Variants in SLC35F1 observed in about 807,000 individuals in gnomAD.
SLC35F1 encodes chromosome 6 open reading frame 169.
A neutral mutation model predicts 48.7 loss-of-function variants in SLC35F1; 14 were observed. That is an observed-to-expected ratio of 0.29 (90% CI 0.19 to 0.45). SLC35F1 has a LOEUF of 0.45. Ranked by LOEUF, SLC35F1 falls within the 20% of genes least tolerant of loss-of-function variation. SLC35F1 has a pLI of 1.00. For synonymous variants in SLC35F1, 190 were observed against 202.2 expected (o/e 0.94, Z 0.51); for missense variants, 404 against 500.0 (o/e 0.81, Z 1.83).
chr6:118,290,834 G>A (rs1474710584), intron 7 of SLC35F1, among the ~76,000 whole-genome samples: 1 of 148,838 alleles, frequency 6.7e-6, no homozygotes, highest in East Asian at 2.0e-4. Flanking sequence ...TCACTCTGTT[G>A]CCCAAGCTGG....
At chr6:117,912,077 A>G (rs1775770993) in intron 1 of SLC35F1, among the ~76,000 whole-genome samples, 1 of 152,164 alleles carries the variant, frequency 6.6e-6, no homozygotes, top group Non-Finnish European at 1.5e-5. Context: ...TTGTTTTGAT[A>G]CACTTTCTTC....
intron 2 of SLC35F1, among the ~76,000 whole-genome samples, chr6:118,215,875 G>A (rs6917963): frequency 0.93 from 141,950 of 152,158 alleles, 66,269 homozygotes; most frequent in East Asian, 0.98. Context: ...AAAAACAAGG[G>A]CTCAGTCCAT....
chr6:118,169,403 C>G (rs1774367030), intron 2 of SLC35F1, among the ~76,000 whole-genome samples: 1 of 152,170 alleles, frequency 6.6e-6, no homozygotes, highest in African/African-American at 2.4e-5. Flanking sequence ...TTTAAGCAGA[C>G]TCAACAAATG....
At chr6:118,001,711 G>A (rs1183998134) in intron 1 of SLC35F1, among the ~76,000 whole-genome samples, 1 of 151,892 alleles carries the variant, frequency 6.6e-6, no homozygotes, top group African/African-American at 2.4e-5. Flanking sequence ...TCTGACAAAG[G>A]GCTAATATCC....
At chr6:117,979,781 G>A (rs557274645) in intron 1 of SLC35F1, among the ~76,000 whole-genome samples, 41 of 152,306 alleles carry the variant, frequency 2.7e-4, no homozygotes, top group African/African-American at 7.7e-4. Context: ...TGTGCTGCGC[G>A]ATCATCAATG....
At chr6:118,111,854 G>C (rs911601437) in intron 1 of SLC35F1, among the ~76,000 whole-genome samples, 3 of 152,182 alleles carry the variant, frequency 2.0e-5, no homozygotes, top group African/African-American at 7.2e-5. Context: ...ACTTGTGTCA[G>C]AGGCATTGGA....
At chr6:118,289,774 G>A (rs918477557) in intron 7 of SLC35F1, among the ~76,000 whole-genome samples, 6 of 152,254 alleles carry the variant, frequency 3.9e-5, no homozygotes, top group East Asian at 1.9e-4. Context: ...CCAAGAAAGC[G>A]AGATCCTGAT....
At chr6:118,283,888 T>C (rs1365848845) in intron 6 of SLC35F1, among the ~76,000 whole-genome samples, 6 of 151,760 alleles carry the variant, frequency 4.0e-5, no homozygotes, top group Admixed American at 1.3e-4. Flanking sequence ...ACCAAACTAA[T>C]ATTACTGCGA....
intron 2 of SLC35F1, among the ~76,000 whole-genome samples, chr6:118,220,017 G>A (rs1023475896): frequency 6.6e-6 from 1 of 152,000 alleles, no homozygotes; most frequent in African/African-American, 2.4e-5. Context: ...GGGGCCTGTC[G>A]TGGGGTTGGG....
intron 2 of SLC35F1, among the ~76,000 whole-genome samples, chr6:118,195,175 C>G (rs1774784682): frequency 6.6e-6 from 1 of 152,190 alleles, no homozygotes. Context: ...TTATCCTTTA[C>G]TCAGGTAAAA....
chr6:118,001,218 A>C (rs995031387), intron 1 of SLC35F1, among the ~76,000 whole-genome samples: 1 of 152,260 alleles, frequency 6.6e-6, no homozygotes, highest in African/African-American at 2.4e-5. Context: ...GGCTACAGTA[A>C]CCAAAACAGC....
rs1776440234 is a variant in SLC35F1, at chr6:118,316,582, A to T, written c.*2330A>T. ...GACATTAATTTGTAGACACTTAGTAAAGTCTTATGAGAAGCAAGTGGATGA... is the reference window on the plus strand; with the variant it reads ...GACATTAATTTGTAGACACTTAGTATAGTCTTATGAGAAGCAAGTGGATGA... On this transcript the variant is annotated 3_prime_UTR_variant, in exon 8 of 8. Transcript: ENST00000360388. The T allele has an allele frequency of 6.6e-6, 1 of 152,566 alleles. No homozygotes were observed. The highest frequency in any genetic ancestry group is 2.1e-4 in the South Asian group (1 of 4,824). The allele number at this position is 152,566 out of a possible 1,614,324, so 9.5% of individuals were successfully genotyped here. A position where few individuals can be genotyped will look rare whatever the true frequency, so the allele number is the denominator to read the frequency against.
At chr6:118,214,985 A>AT (rs1775053314) in intron 2 of SLC35F1, among the ~76,000 whole-genome samples, 2 of 152,068 alleles carry the variant, frequency 1.3e-5, no homozygotes, top group Non-Finnish European at 2.9e-5. Flanking sequence ...CCTAGGTTTT[A>AT]TTTTTGTGAG....
At chr6:118,116,376 C>T (rs145702577) in intron 1 of SLC35F1, among the ~76,000 whole-genome samples, 13 of 152,302 alleles carry the variant, frequency 8.5e-5, no homozygotes, top group African/African-American at 1.2e-4. Context: ...TCCATGGGCA[C>T]ACAGAGTCTA....
intron 3 of SLC35F1, among the ~76,000 whole-genome samples, chr6:118,253,198 G>C (rs994318081): frequency 3.3e-5 from 5 of 152,086 alleles, no homozygotes; most frequent in Admixed American, 6.6e-5. Flanking sequence ...CAATATTTGA[G>C]AGATGAGAGT....
Position 118,248,047 on chromosome 6 carries a change from A to G in SLC35F1, c.477+12411A>G, listed in dbSNP as rs1331079705. 2.0e-5 allele frequency among the ~76,000 whole-genome samples: 3 copies of G among 152,228 alleles called. No homozygotes were observed. In the East Asian group the frequency reaches 5.8e-4, roughly 29 times the overall value. On this transcript the variant is annotated intron_variant, in intron 3 of 7. Coordinates refer to ENST00000360388, the MANE Select transcript of SLC35F1 (RefSeq NM_001029858.4). The stretch of plus-strand genomic sequence containing the variant: ...AATGAGTGCTCAGAGGCAATTTCAA[A>G]GAGTTCATATGTTTTTGAGTGATGA...
chr6:118,271,647 C>T (rs973247404), intron 4 of SLC35F1, among the ~76,000 whole-genome samples: 1 of 152,208 alleles, frequency 6.6e-6, no homozygotes, highest in African/African-American at 2.4e-5. Context: ...CTTCCTTTTT[C>T]CTCCCACCAC....
At chr6:118,121,724 G>A (rs1351710300) in intron 1 of SLC35F1, among the ~76,000 whole-genome samples, 2 of 152,116 alleles carry the variant, frequency 1.3e-5, no homozygotes, top group African/African-American at 4.8e-5. Context: ...TTTATCTTTT[G>A]TATGGTCTCC....
intron 2 of SLC35F1, among the ~76,000 whole-genome samples, chr6:118,170,677 G>A (rs1774390138): frequency 6.6e-6 from 1 of 152,016 alleles, no homozygotes; most frequent in South Asian, 2.1e-4. Context: ...CTGAGCTCAA[G>A]CAATCCACCT....
Sources: allele counts gnomAD v4.1 joint callset (sites outside exome capture counted in the v4.1 genomes callset), GRCh38; gene constraint gnomAD v4.1.1; transcripts MANE v1.5; gene names NCBI Gene and HGNC (gene_info 2026-07-23, HGNC 2026-07-21).